Variants in B3GALT1 observed in about 807,000 individuals in gnomAD.
The protein encoded by B3GALT1 is UDP-Gal:betaGlcNAc beta 1,3-galactosyltransferase, polypeptide 1.
B3GALT1 carries 10 observed loss-of-function variants against 23.2 expected under a neutral mutation model. That is an observed-to-expected ratio of 0.43 (90% CI 0.27 to 0.73). The LOEUF (loss-of-function observed/expected upper bound fraction) is 0.73. B3GALT1 is among the 30% of genes least tolerant of loss of function. The probability of loss-of-function intolerance (pLI) is 0.21; values close to 1 mark genes in which losing one functional copy is unlikely to be tolerated. For synonymous variants in B3GALT1, 156 were observed against 141.5 expected, an observed-to-expected ratio of 1.10 and a Z score of -0.73; for missense variants, 299 against 405.4, an observed-to-expected ratio of 0.74 and a Z score of 2.25.
chr2:167,460,183 C>A (rs1699235954), intron 1 of B3GALT1, among the ~76,000 whole-genome samples: 1 of 152,138 alleles, frequency 6.6e-6, no homozygotes, highest in Admixed American at 6.5e-5. Context: ...TCCATTATTT[C>A]TTTGAATATT....
At chr2:167,853,800 TG>T (rs1244010332) in intron 4 of B3GALT1, among the ~76,000 whole-genome samples, 1 of 152,136 alleles carries the variant, frequency 6.6e-6, no homozygotes, top group African/African-American at 2.4e-5. Flanking sequence ...AGTACATTTA[TG>T]GTGGCCTACT....
intron 3 of B3GALT1, among the ~76,000 whole-genome samples, chr2:167,686,411 G>A (rs541652297): frequency 3.3e-5 from 5 of 152,096 alleles, no homozygotes; most frequent in African/African-American, 9.7e-5. Flanking sequence ...ATTCATTCAC[G>A]TGTATTTTTA....
At chr2:167,624,061 G>T (rs1420642048) in intron 2 of B3GALT1, among the ~76,000 whole-genome samples, 1 of 152,016 alleles carries the variant, frequency 6.6e-6, no homozygotes, top group Non-Finnish European at 1.5e-5. Flanking sequence ...ATATAATTTA[G>T]ACAAGTCAAG....
chr2:167,578,020 T>C (rs1329548927), intron 2 of B3GALT1, among the ~76,000 whole-genome samples: 1 of 151,960 alleles, frequency 6.6e-6, no homozygotes, highest in Non-Finnish European at 1.5e-5. Context: ...AAATTTTTTT[T>C]ACCCTGCACA....
intron 3 of B3GALT1, among the ~76,000 whole-genome samples, chr2:167,752,189 C>G (rs1180462475): frequency 1.3e-5 from 2 of 151,980 alleles, no homozygotes; most frequent in African/African-American, 4.8e-5. Context: ...AAACAAAGAG[C>G]AGCACAATAG....
rs1387647952 is a variant in B3GALT1, at chr2:167,759,955, ACTC to A, written c.-351-58711_-351-58709del. 3.3e-5 allele frequency among the ~76,000 whole-genome samples: 5 copies of A among 152,076 alleles called. No homozygotes were observed. The East Asian group carries it at 7.7e-4, about 24-fold the overall frequency. ...TTGAGGGTTTGTTTACTTAAGTTTAACTCCTCCTAGGGAAAGCATAGAATGAAA... is the reference window on the plus strand; with the variant it reads ...TTGAGGGTTTGTTTACTTAAGTTTAACTCCTAGGGAAAGCATAGAATGAAA... On this transcript the variant is annotated intron_variant, in intron 3 of 4. Transcript: ENST00000392690.
chr2:167,320,819 G>A (rs566213297), intron 1 of B3GALT1, among the ~76,000 whole-genome samples: 1 of 151,930 alleles, frequency 6.6e-6, no homozygotes, highest in South Asian at 2.1e-4. Context: ...ACTATGTAAT[G>A]GCTGTTTAAG....
At position 167,682,182 on chromosome 2, in the gene B3GALT1, G is replaced by A. The variant is rs138089093; in HGVS notation, c.-352+35216G>A. Among the ~76,000 whole-genome samples, 330 of 151,818 alleles carry A rather than the reference G, an allele frequency of 2.2e-3. 1 individual carries two copies. The highest frequency in any genetic ancestry group is 7.3e-3 in the African/African-American group (302 of 41,352). On this transcript the variant is annotated intron_variant, in intron 3 of 4. Transcript: ENST00000392690. ...TGTTGCATCCTCCCTGTCTATTCCC[G>A]GCTAGCTCCAATTTACTGTCTTTTT...
chr2:167,700,082 T>C (rs1265781265), intron 3 of B3GALT1, among the ~76,000 whole-genome samples: 1 of 152,104 alleles, frequency 6.6e-6, no homozygotes, highest in Non-Finnish European at 1.5e-5. Flanking sequence ...ACCCCATCTT[T>C]ACCAAAAAAT....
At chr2:167,411,495 G>A (rs1288437821) in intron 1 of B3GALT1, among the ~76,000 whole-genome samples, 2 of 151,704 alleles carry the variant, frequency 1.3e-5, no homozygotes, top group African/African-American at 4.8e-5. Context: ...ATGAAAAAAT[G>A]TTCAACATCA....
At chr2:167,820,866 C>G (rs1347608140) in intron 4 of B3GALT1, among the ~76,000 whole-genome samples, 1 of 152,172 alleles carries the variant, frequency 6.6e-6, no homozygotes, top group African/African-American at 2.4e-5. Flanking sequence ...CTGCCTGCCT[C>G]AGGCTGTTCT....
At chr2:167,327,026 A>T (rs185587082) in intron 1 of B3GALT1, among the ~76,000 whole-genome samples, 18 of 152,004 alleles carry the variant, frequency 1.2e-4, no homozygotes, top group African/African-American at 3.6e-4. Flanking sequence ...CCTTTCCCCA[A>T]TGTATGTTCT....
At chr2:167,578,795 C>T (rs933701870) in intron 2 of B3GALT1, among the ~76,000 whole-genome samples, 3 of 151,796 alleles carry the variant, frequency 2.0e-5, no homozygotes, top group African/African-American at 4.8e-5. Flanking sequence ...CAGGGAAATC[C>T]CAGAAGCTGG....
intron 1 of B3GALT1, among the ~76,000 whole-genome samples, chr2:167,352,188 T>TG (rs1465400618): frequency 6.7e-6 from 1 of 150,112 alleles, no homozygotes; most frequent in African/African-American, 2.5e-5. Context: ...AGGATGGTCT[T>TG]GATCTCCTGA....
intron 2 of B3GALT1, among the ~76,000 whole-genome samples, chr2:167,614,550 A>G (rs965301466): frequency 1.3e-5 from 2 of 151,982 alleles, no homozygotes; most frequent in South Asian, 2.1e-4. Flanking sequence ...TCCAACCAAG[A>G]TCAATATTCA....
intron 2 of B3GALT1, among the ~76,000 whole-genome samples, chr2:167,576,545 G>GTTTTTTTTTTTTGT (rs533383227): frequency 2.0e-5 from 2 of 98,222 alleles, no homozygotes; most frequent in African/African-American, 7.4e-5. Flanking sequence ...TTTTTTTTTT[G>GTTTTTTTTTTTTGT]TTTTTTTTTC....
At chr2:167,592,614 A>G (rs900308559) in intron 2 of B3GALT1, among the ~76,000 whole-genome samples, 1 of 152,226 alleles carries the variant, frequency 6.6e-6, no homozygotes, top group Non-Finnish European at 1.5e-5. Context: ...TTGCAGAGTC[A>G]TGGCTTTGGA....
chr2:167,645,320 G>A (rs923258688), intron 2 of B3GALT1, among the ~76,000 whole-genome samples: 1 of 152,056 alleles, frequency 6.6e-6, no homozygotes, highest in Non-Finnish European at 1.5e-5. Context: ...AAATTTCTTG[G>A]CAATATTAAA....
chr2:167,804,241 C>T (rs534327740), intron 3 of B3GALT1, among the ~76,000 whole-genome samples: 5 of 152,266 alleles, frequency 3.3e-5, no homozygotes, highest in South Asian at 4.2e-4. Context: ...CTGCGAGCCT[C>T]GGCCGCCCAA....
Sources: gnomAD v4.1 joint callset for allele counts (sites outside exome capture counted in the v4.1 genomes callset) on GRCh38, gnomAD v4.1.1 for gene constraint, MANE v1.5 for transcripts, NCBI Gene and HGNC (gene_info 2026-07-23, HGNC 2026-07-21) for gene names.